CLSPN: variants seen among roughly 807,000 people sequenced by gnomAD.
The protein encoded by CLSPN is claspin homolog.
Under a neutral mutation model 156.3 loss-of-function variants are expected in CLSPN, and 85 were observed. The ratio of observed to expected loss-of-function variants is 0.54; its 90% CI spans 0.46 to 0.65. CLSPN has a LOEUF of 0.65. CLSPN is among the 30% of genes least tolerant of loss of function. The pLI is 0.00. For synonymous variants in CLSPN, 534 were observed against 542.4 expected (o/e 0.98, Z 0.22); for missense variants, 1,407 against 1,554.9 (o/e 0.90, Z 1.60).
rs140565757 is a variant in CLSPN, at chr1:35,741,129, C to T, written c.3144-1600G>A. On this transcript the variant is annotated intron_variant, in intron 18 of 24. Coordinates refer to ENST00000318121, the MANE Select transcript of CLSPN (RefSeq NM_022111.4). ...ATCTTTATAAAACTTTTTTTAACAT[C>T]ATAGGAAAATGTTTCTGGATATGCT... Among the ~76,000 whole-genome samples, 10 of 151,158 alleles carry T rather than the reference C, an allele frequency of 6.6e-5. No homozygotes were observed. The East Asian group carries it at 1.7e-3, about 26-fold the overall frequency.
chr1:35,739,317 G>A (rs1292021563), intron 19 of CLSPN, 48 bp downstream of exon 19: 1 of 1,613,838 alleles, frequency 6.2e-7, no homozygotes, highest in Admixed American at 1.7e-5. Flanking sequence ...TACAGGGCTT[G>A]TCTTAAGATG....
At chr1:35,752,563 G>A (rs1217453740) in intron 9 of CLSPN, among the ~76,000 whole-genome samples, 2 of 134,460 alleles carry the variant, frequency 1.5e-5, no homozygotes, top group African/African-American at 2.8e-5. Flanking sequence ...GGGTGACAGT[G>A]CAGGACTCTG....
intron 1 of CLSPN, among the ~76,000 whole-genome samples, chr1:35,765,965 A>T (rs1329035068): frequency 1.3e-5 from 2 of 148,744 alleles, no homozygotes; most frequent in Non-Finnish European, 3.0e-5. Context: ...CTACAAGTCA[A>T]ACTGGGTGGT....
intron 24 of CLSPN, 58 bp downstream of exon 24, chr1:35,736,856 A>C: frequency 1.3e-6 from 2 of 1,555,110 alleles, no homozygotes; most frequent in South Asian, 2.4e-5. Flanking sequence ...TTTTAAATTT[A>C]AATAAATGAA....
rs922547229 is a variant in CLSPN, at chr1:35,746,093, G to A, written c.2855-531C>T. 1.3e-4 allele frequency among the ~76,000 whole-genome samples: 19 copies of A among 151,956 alleles called. No individual in the cohort carries two copies. Among genetic ancestry groups the A allele is most frequent in the South Asian group, 4.1e-4 (2 of 4,820 alleles). ...CCCAAGTAGCTGCGATTACAGGCACGGGCCACCATGCCCAGATAATTTTTT... is the reference window on the plus strand; with the variant it reads ...CCCAAGTAGCTGCGATTACAGGCACAGGCCACCATGCCCAGATAATTTTTT... On this transcript the variant is annotated intron_variant, in intron 15 of 24. Transcript: ENST00000318121. The surrounding 1 kb of genome is among the most constrained non-coding windows in gnomAD (Gnocchi z 4.2).
chr1:35,750,572 T>C (rs1642049266), intron 10 of CLSPN, among the ~76,000 whole-genome samples: 1 of 151,986 alleles, frequency 6.6e-6, no homozygotes, highest in African/African-American at 2.4e-5. Flanking sequence ...TTTGTATTTT[T>C]AGTAGAGATG....
chr1:35,765,301 T>C lies in CLSPN; in HGVS notation c.50A>G (p.Asn17Ser). 6.2e-7 allele frequency: 1 copy of C among 1,613,412 alleles called. No individual in the cohort carries two copies. Among genetic ancestry groups the C allele is most frequent in the Non-Finnish European group, 8.5e-7 (1 of 1,179,498 alleles). ...ATCTGCTTCCTCTTGTGAAATGACG[T>C]TTGGGTCATTGATTTCTAGGTGAAC... The part of the protein sequence containing the change: ...SEVHLEINDP[N>S]VISQEEADSP... Residue 17 changes from asparagine (N) to serine (S), a missense_variant, in exon 2 of 25, where the codon AAC becomes AGC. Transcript: ENST00000318121.
Position 35,747,975 on chromosome 1 carries a change from G to A in CLSPN, c.2559C>T (p.Phe853=). ...AGAACTGGAAGTCTCCTGCTCCTAGGAAAAGTGTCTTAGGCTCTGGGGAGG... is the reference window on the plus strand; with the variant it reads ...AGAACTGGAAGTCTCCTGCTCCTAGAAAAAGTGTCTTAGGCTCTGGGGAGG... The part of the protein sequence containing the change: ...YNASPEPKTL[F]LGAGDFQFCL... Residue 853 remains phenylalanine, a synonymous_variant, in exon 14 of 25, where the codon TTC becomes TTT. Transcript: ENST00000318121. 1.9e-6 allele frequency: 3 copies of A among 1,614,184 alleles called. No homozygotes were observed. In the South Asian group the frequency reaches 3.3e-5, roughly 18 times the overall value.
At chr1:35,726,152 C>CAAAAAAAA (rs3041363) in intron 24 of CLSPN, among the ~76,000 whole-genome samples, 2,445 of 48,152 alleles carry the variant, frequency 0.051, 727 homozygotes, top group Middle Eastern at 0.16. Context: ...CAGATGCAGA[C>CAAAAAAAA]AAAAAAAAAA....
Position 35,735,396 on chromosome 1 carries a change from T to C in CLSPN, c.*1100A>G, listed in dbSNP as rs1048942666. ...ATACAGCAGCCCATCTGTTGGTTCC[T>C]AGGTCCTCCATCTAAGAAATCGTTC... On this transcript the variant is annotated 3_prime_UTR_variant, in exon 25 of 25. Coordinates refer to ENST00000318121, the MANE Select transcript of CLSPN (RefSeq NM_022111.4). The C allele has an allele frequency of 6.1e-6, 6 of 985,282 alleles. No homozygotes were observed. In the African/African-American group the frequency reaches 1.0e-4, roughly 17 times the overall value. 61.0% of individuals were successfully genotyped at this position (985,282 alleles called of 1,614,324 possible). A position where few individuals can be genotyped will look rare whatever the true frequency, so the allele number is the denominator to read the frequency against.
chr1:35,749,680 TGA>T lies in CLSPN; in HGVS notation c.2158_2159del (p.Ser720IlefsTer9). 6.2e-7 allele frequency: 1 copy of T among 1,614,140 alleles called. No homozygotes were observed. Among genetic ancestry groups the T allele is most frequent in the Non-Finnish European group, 8.5e-7 (1 of 1,180,002 alleles). On this transcript the variant is annotated frameshift_variant, in exon 11 of 25. Coordinates refer to ENST00000318121, the MANE Select transcript of CLSPN (RefSeq NM_022111.4). LOFTEE classifies it high-confidence loss of function. Reference sequence around the variant, plus strand: ...TAAACAGAAGTAAAGTAGAATCTGATGAGAGAGACTTGGGAACAGAGAGGAAG... The same window carrying T: ...TAAACAGAAGTAAAGTAGAATCTGATGAGAGACTTGGGAACAGAGAGGAAG... ...VGFLSVPKSL[S>X]SDSTLLLFKD...
Position 35,744,736 on chromosome 1 carries a change from T to C in CLSPN, c.2966+715A>G, listed in dbSNP as rs76551278. 6.8e-3 allele frequency among the ~76,000 whole-genome samples: 1,039 copies of C among 152,342 alleles called. 18 individuals are homozygous for C. The highest frequency in any genetic ancestry group is 0.035 in the Admixed American group (531 of 15,306). On this transcript the variant is annotated intron_variant, in intron 16 of 24. Coordinates refer to ENST00000318121, the MANE Select transcript of CLSPN (RefSeq NM_022111.4). ...GCTGCTTTGAACATGGGGGTGCAAATATCTGTTCAAGTCCTGCTTTCACTT... is the reference window on the plus strand; with the variant it reads ...GCTGCTTTGAACATGGGGGTGCAAACATCTGTTCAAGTCCTGCTTTCACTT...
In CLSPN at chr1:35,739,226, G is replaced by C. The variant is rs759160412; in HGVS notation, c.3340C>G (p.Leu1114Val). Reference sequence around the variant, plus strand: ...AGGTACCTCTCTTGGTATAAACGTAGCTGTCGCTTATCATCATCCAACATA... The same window carrying C: ...AGGTACCTCTCTTGGTATAAACGTACCTGTCGCTTATCATCATCCAACATA... ...KTMLDDDKRQLRLYQERYLAD... is the reference protein window; with the variant it reads ...KTMLDDDKRQVRLYQERYLAD... Residue 1114 changes from leucine to valine, a missense_variant, in exon 20 of 25, where the codon CTA becomes GTA. By Grantham distance (32) the Leu-to-Val change is conservative. Around this residue, in one of 3 missense-constraint regions of CLSPN, gnomAD observed 70 missense variants for 121.5 expected, o/e 0.58. Transcript: ENST00000318121. The C allele has an allele frequency of 5.0e-6, 8 of 1,614,070 alleles. No individual in the cohort carries two copies. The African/African-American group carries it at 8.0e-5, about 16-fold the overall frequency.
At chr1:35,721,487 A>G (rs1197056466) in intron 24 of CLSPN, among the ~76,000 whole-genome samples, 2 of 152,128 alleles carry the variant, frequency 1.3e-5, no homozygotes, top group Admixed American at 1.3e-4. Flanking sequence ...TCCCAGGTTC[A>G]AGTCATTCTC....
chr1:35,765,980 T>TTCTC lies in CLSPN; in HGVS notation c.25-658_25-655dup, dbSNP rs199934119. 9.1e-4 allele frequency among the ~76,000 whole-genome samples: 109 copies of TTCTC among 120,166 alleles called. 5 individuals carry two copies. The highest frequency in any genetic ancestry group is 1.1e-3 in the African/African-American group (35 of 32,240). The allele number at this position is 120,166 out of a possible 152,430, so 78.8% of individuals were successfully genotyped here. ...CTACAAGTCAAACTGGGTGGTTTCTTTCTCTCTCTCTCTCTTTTTTTTTTT... is the reference window on the plus strand; with the variant it reads ...CTACAAGTCAAACTGGGTGGTTTCTTTCTCTCTCTCTCTCTCTCTTTTTTTTTTT... On this transcript the variant is annotated intron_variant, in intron 1 of 24. Transcript: ENST00000318121.
At chr1:35,761,445 G>T (rs189939739) in intron 6 of CLSPN, among the ~76,000 whole-genome samples, 1 of 152,186 alleles carries the variant, frequency 6.6e-6, no homozygotes, top group East Asian at 1.9e-4. Context: ...ATCCCATTTC[G>T]AATCTACTGA....
In CLSPN at chr1:35,746,776, G is replaced by C; in HGVS notation, c.2844C>G (p.Phe948Leu). The C allele has an allele frequency of 6.2e-7, 1 of 1,607,498 alleles. No individual in the cohort carries two copies. The highest frequency in any genetic ancestry group is 8.5e-7 in the Non-Finnish European group (1 of 1,173,976). Residue 948 changes from phenylalanine to leucine, a missense_variant, in exon 15 of 25, where the codon TTC (phenylalanine) becomes TTG (leucine). Transcript: ENST00000318121. This position sits in a 1 kb window ranked among gnomAD's most constrained non-coding sequence, Gnocchi z 4.2. ...CGGTTGGATATTTACCCTGAGAAGT[G>C]AATTTTCCTGAACAAAGGTTCAGAA... ...EELLNLCSGK[F>L]TSQDASTPAS...
intron 2 of CLSPN, among the ~76,000 whole-genome samples, chr1:35,765,017 T>A (rs995835347): frequency 7.9e-5 from 12 of 152,170 alleles, no homozygotes; most frequent in Non-Finnish European, 1.8e-4. Context: ...AACCAGGCAA[T>A]ATGGTAGCTA....
intron 24 of CLSPN, among the ~76,000 whole-genome samples, chr1:35,727,065 G>A (rs561172737): frequency 3.1e-4 from 47 of 152,278 alleles, no homozygotes; most frequent in African/African-American, 1.1e-3. Flanking sequence ...CACCTCCAAC[G>A]CTGGAAATCC....
Sources: gnomAD v4.1 joint callset for allele counts (sites outside exome capture counted in the v4.1 genomes callset) on GRCh38, gnomAD v4.1.1 for gene constraint, gnomAD v4.1.1 regional missense constraint, Gnocchi (gnomAD v3.1) non-coding constraint, MANE v1.5 for transcripts, NCBI Gene and HGNC (gene_info 2026-07-23, HGNC 2026-07-21) for gene names.